Variants in CWC22 observed in about 807,000 individuals in gnomAD.
CWC22 encodes CWC22 spliceosome associated protein.
CWC22 carries 53 observed loss-of-function variants against 117.2 expected under a neutral mutation model. That is an observed-to-expected ratio of 0.45 (90% CI 0.36 to 0.57). The LOEUF (loss-of-function observed/expected upper bound fraction) is 0.57, where lower values mean the gene tolerates loss of function less well. Ranked by LOEUF, CWC22 falls within the 20% of genes least tolerant of loss-of-function variation. The pLI is 0.00. For missense variants in CWC22, 980 were observed against 1,068.8 expected (o/e 0.92, Z 1.16); for synonymous variants, 360 against 355.6 (o/e 1.01, Z -0.14).
At chr2:179,970,918 T>A in intron 9 of CWC22, 23 bp downstream of exon 9, 1 of 1,610,014 alleles carries the variant, frequency 6.2e-7, no homozygotes, top group Non-Finnish European at 8.5e-7. Flanking sequence ...AAACTTAACA[T>A]CAAACTATGA....
At chr2:179,950,475 G>A in intron 19 of CWC22, 37 bp downstream of exon 19, 1 of 1,318,642 alleles carries the variant, frequency 7.6e-7, no homozygotes, top group Non-Finnish European at 1.1e-6. Flanking sequence ...ATATTTATTA[G>A]AAAAGAGCAA....
At chr2:179,992,165 C>T (rs1399326463) in intron 2 of CWC22, among the ~76,000 whole-genome samples, 1 of 152,176 alleles carries the variant, frequency 6.6e-6, no homozygotes, top group South Asian at 2.1e-4. Context: ...AATAAAAATA[C>T]AGTTCCCCCT....
At chr2:179,958,280 G>A (rs577756308) in intron 14 of CWC22, among the ~76,000 whole-genome samples, 2 of 137,002 alleles carry the variant, frequency 1.5e-5, no homozygotes, top group African/African-American at 5.5e-5. Context: ...GCAGTGAGCC[G>A]AGATCATGCC....
chr2:179,954,227 T>C lies in CWC22; in HGVS notation c.1667A>G (p.Tyr556Cys), dbSNP rs749253335. The change falls in exon 16 of 20, where the codon TAC (tyrosine) becomes TGC (cysteine). Residue 556 changes from tyrosine (Y) to cysteine (C), a missense_variant. Physicochemically the swap from Tyr to Cys is radical, Grantham distance 194. Transcript: ENST00000410053. ...NVAKMFAHLL[Y>C]TDSLPWSVLE... ...TACACTCCATGGAAGTGAATCAGTG[T>C]ATAAAAGGTGAGCAAACATCTTAGC... The C allele has an allele frequency of 6.2e-7, 1 of 1,611,476 alleles. No homozygotes were observed. Among genetic ancestry groups the C allele is most frequent in the African/African-American group, 1.3e-5 (1 of 74,814 alleles).
At chr2:179,976,817 A>C (rs2105534988) in intron 6 of CWC22, among the ~76,000 whole-genome samples, 1 of 152,308 alleles carries the variant, frequency 6.6e-6, no homozygotes, top group East Asian at 1.9e-4. Flanking sequence ...ATAAATTAGT[A>C]CAGCCATTAT....
At chr2:179,970,478 T>C in intron 11 of CWC22, 23 bp downstream of exon 11, 1 of 1,500,140 alleles carries the variant, frequency 6.7e-7, no homozygotes, top group Non-Finnish European at 9.0e-7. Context: ...CCAAACTAAA[T>C]TATTTTATAA....
At chr2:179,954,456 C>T (rs1686532377) in intron 15 of CWC22, 99 bp from the exon 16 acceptor site, 3 of 716,882 alleles carry the variant, frequency 4.2e-6, no homozygotes, top group Non-Finnish European at 4.4e-6. Context: ...TATTAATATG[C>T]TTTATATTTT....
chr2:179,971,389 A>G (rs536440086), intron 8 of CWC22, among the ~76,000 whole-genome samples: 1 of 152,170 alleles, frequency 6.6e-6, no homozygotes, highest in Non-Finnish European at 1.5e-5. Flanking sequence ...CATAGATAAA[A>G]TATGTTAAAA....
chr2:179,990,546 CAGAGAGAGAGAG>C (rs3082436), intron 2 of CWC22, among the ~76,000 whole-genome samples: 5 of 144,948 alleles, frequency 3.4e-5, no homozygotes, highest in East Asian at 4.0e-4. Flanking sequence ...GTGAGACAGA[CAGAGAGAGAGAG>C]AGAGAGAGAG....
At chr2:179,966,261 T>C (rs904850223) in intron 11 of CWC22, among the ~76,000 whole-genome samples, 1 of 152,186 alleles carries the variant, frequency 6.6e-6, no homozygotes, top group African/African-American at 2.4e-5. Context: ...ACGATGGTTT[T>C]TGAAAAGAGC....
chr2:180,005,828 TG>T (rs1289619458), intron 1 of CWC22, among the ~76,000 whole-genome samples: 2 of 152,238 alleles, frequency 1.3e-5, no homozygotes, highest in African/African-American at 4.8e-5. Flanking sequence ...TTCCAGATGA[TG>T]AAGCTGACAC....
intron 16 of CWC22, 133 bp downstream of exon 16, chr2:179,954,072 T>A: frequency 1.1e-5 from 6 of 533,832 alleles, no homozygotes; most frequent in Non-Finnish European, 1.6e-5. Flanking sequence ...GATGATAATC[T>A]CAAAGACAGC....
chr2:179,982,704 C>T (rs931274387), intron 4 of CWC22, among the ~76,000 whole-genome samples: 2 of 152,174 alleles, frequency 1.3e-5, no homozygotes, highest in Non-Finnish European at 2.9e-5. Flanking sequence ...TCCCTACTAA[C>T]GTACCTGATT....
rs116849503 is a variant in CWC22, at chr2:179,974,762, G to A, written c.582-960C>T. 2.6e-5 allele frequency among the ~76,000 whole-genome samples: 4 copies of A among 152,094 alleles called. No individual in the cohort carries two copies. In the East Asian group the frequency reaches 7.8e-4, roughly 29 times the overall value. On this transcript the variant is annotated intron_variant, in intron 6 of 19. Transcript: ENST00000410053. ...TTATACCCCCACCTTTTTTGGAGAG[G>A]TTGGGGAGAGACAGGGTCTCACTCT...
In CWC22 at chr2:179,945,011, A is replaced by T; in HGVS notation, c.*118T>A. ...ACATGTTAAAATGAAAACATTTTTT[A>T]AATTTACAAATACAAACCAATACTT... On this transcript the variant is annotated 3_prime_UTR_variant, in exon 20 of 20. Transcript: ENST00000410053. 1.5e-6 allele frequency: 1 copy of T among 663,646 alleles called. No homozygotes were observed. Among genetic ancestry groups the T allele is most frequent in the Non-Finnish European group, 2.4e-6 (1 of 422,448 alleles). 41.1% of individuals were successfully genotyped at this position (663,646 alleles called of 1,614,324 possible).
chr2:179,964,444 G>C, intron 13 of CWC22, 103 bp downstream of exon 13: 1 of 593,494 alleles, frequency 1.7e-6, no homozygotes, highest in Non-Finnish European at 3.0e-6. Flanking sequence ...ATGCTGAAAT[G>C]GTGTCCAGTT....
At chr2:180,003,352 C>CA (rs1687891374) in intron 1 of CWC22, among the ~76,000 whole-genome samples, 2 of 152,202 alleles carry the variant, frequency 1.3e-5, no homozygotes, top group Admixed American at 6.5e-5. Context: ...CTTACAAAAT[C>CA]AACCCTAATT....
intron 2 of CWC22, among the ~76,000 whole-genome samples, chr2:179,991,986 C>T (rs890129567): frequency 6.6e-6 from 1 of 152,178 alleles, no homozygotes; most frequent in Non-Finnish European, 1.5e-5. Context: ...GAAAAGATTG[C>T]AGCAGAGGCT....
intron 1 of CWC22, among the ~76,000 whole-genome samples, chr2:180,000,389 T>C (rs1486330760): frequency 2.6e-5 from 4 of 152,228 alleles, no homozygotes; most frequent in Admixed American, 1.3e-4. Context: ...AAACTTAGCA[T>C]ATACTGACTT....
Sources: allele counts gnomAD v4.1 joint callset (sites outside exome capture counted in the v4.1 genomes callset), GRCh38; gene constraint gnomAD v4.1.1; transcripts MANE v1.5; gene names NCBI Gene and HGNC (gene_info 2026-07-23, HGNC 2026-07-21).